The following GRIN3A variants were observed in gnomAD, a reference collection of about 807,000 sequenced individuals.
GRIN3A encodes glutamate ionotropic receptor NMDA type subunit 3A.
In GRIN3A, 47 loss-of-function variants were observed where a neutral mutation model predicts 92.4. That is an observed-to-expected ratio of 0.51 (90% CI 0.40 to 0.65). GRIN3A has a LOEUF of 0.65. Ranked by LOEUF, GRIN3A falls within the 30% of genes least tolerant of loss-of-function variation. The probability of loss-of-function intolerance (pLI) is 0.00; values close to 1 mark genes in which losing one functional copy is unlikely to be tolerated. For missense variants in GRIN3A, 1,324 were observed against 1,393.1 expected (o/e 0.95, Z 0.79); for synonymous variants, 527 against 540.6 (o/e 0.97, Z 0.35).
At chr9:101,705,262 G>T (rs1009806973) in intron 1 of GRIN3A, among the ~76,000 whole-genome samples, 5 of 152,046 alleles carry the variant, frequency 3.3e-5, no homozygotes, top group Non-Finnish European at 7.4e-5. Context: ...GAACAGAGCC[G>T]CAGAGAACAG....
intron 1 of GRIN3A, among the ~76,000 whole-genome samples, chr9:101,726,459 TCATG>T (rs948367003): frequency 1.3e-5 from 2 of 152,158 alleles, no homozygotes; most frequent in African/African-American, 4.8e-5. Context: ...CAGCTATACT[TCATG>T]CATTTCTATT....
intron 6 of GRIN3A, chr9:101,594,208 C>T (rs1370667070): frequency 5.0e-6 from 3 of 603,024 alleles, no homozygotes; most frequent in Non-Finnish European, 8.2e-6. Flanking sequence ...CTTGCTCTTC[C>T]CCCTATAGGG....
At chr9:101,652,647 T>C (rs189417191) in intron 3 of GRIN3A, among the ~76,000 whole-genome samples, 1 of 152,116 alleles carries the variant, frequency 6.6e-6, no homozygotes, top group Admixed American at 6.6e-5. Context: ...GTAGTTTTCA[T>C]GCTTTCTCCA....
chr9:101,663,164 A>G (rs1249057403), intron 3 of GRIN3A, among the ~76,000 whole-genome samples: 1 of 151,722 alleles, frequency 6.6e-6, no homozygotes, highest in Admixed American at 6.6e-5. Context: ...TAACATCCTC[A>G]TCAACTTCCC....
At chr9:101,730,683 C>T (rs1292262068) in intron 1 of GRIN3A, among the ~76,000 whole-genome samples, 1 of 151,970 alleles carries the variant, frequency 6.6e-6, no homozygotes, top group Non-Finnish European at 1.5e-5. Flanking sequence ...TCTGGCTCTC[C>T]TCACAAAGTA....
At chr9:101,587,913 C>T (rs1827968386) in intron 6 of GRIN3A, among the ~76,000 whole-genome samples, 1 of 152,080 alleles carries the variant, frequency 6.6e-6, no homozygotes, top group South Asian at 2.1e-4. Flanking sequence ...GACCTGGTAT[C>T]TATTTTATTT....
At chr9:101,684,977 C>A (rs1829512799) in intron 2 of GRIN3A, among the ~76,000 whole-genome samples, 1 of 151,944 alleles carries the variant, frequency 6.6e-6, no homozygotes. Flanking sequence ...TGCGAGCTTG[C>A]CAACAGTAGA....
intron 5 of GRIN3A, among the ~76,000 whole-genome samples, chr9:101,621,736 A>C (rs542617702): frequency 3.3e-4 from 50 of 152,308 alleles, no homozygotes; most frequent in African/African-American, 1.1e-3. Context: ...AAGCCATCCT[A>C]CCACTGTCTT....
intron 1 of GRIN3A, among the ~76,000 whole-genome samples, chr9:101,720,567 G>C (rs189107897): frequency 6.6e-6 from 1 of 152,238 alleles, no homozygotes; most frequent in East Asian, 1.9e-4. Flanking sequence ...GCTATACAAT[G>C]GGTCAAATAG....
At chr9:101,586,455 A>G (rs969225766) in intron 6 of GRIN3A, among the ~76,000 whole-genome samples, 1 of 152,146 alleles carries the variant, frequency 6.6e-6, no homozygotes, top group African/African-American at 2.4e-5. Context: ...CAGTCTCATT[A>G]TATCACAGAA....
intron 1 of GRIN3A, among the ~76,000 whole-genome samples, chr9:101,724,662 C>T (rs925335579): frequency 5.9e-5 from 9 of 152,218 alleles, no homozygotes; most frequent in African/African-American, 1.2e-4. Flanking sequence ...ACTGCCAGCA[C>T]GCTGTCACCT....
chr9:101,669,933 G>A, intron 3 of GRIN3A, 127 bp downstream of exon 3: 1 of 720,172 alleles, frequency 1.4e-6, no homozygotes. Context: ...TTTTGGACTA[G>A]TCTCTATACT....
At chr9:101,584,502 T>C (rs1827926281) in intron 6 of GRIN3A, among the ~76,000 whole-genome samples, 1 of 152,240 alleles carries the variant, frequency 6.6e-6, no homozygotes, top group East Asian at 1.9e-4. Flanking sequence ...AAATTCTTGG[T>C]AGATTGTCAC....
At chr9:101,580,006 A>C (rs1444617753) in intron 6 of GRIN3A, among the ~76,000 whole-genome samples, 1 of 152,156 alleles carries the variant, frequency 6.6e-6, no homozygotes. Context: ...TCAGAAGACC[A>C]AAATCTCCAC....
chr9:101,690,370 T>A (rs1390465483), intron 1 of GRIN3A, among the ~76,000 whole-genome samples: 1 of 152,202 alleles, frequency 6.6e-6, no homozygotes, highest in Non-Finnish European at 1.5e-5. Flanking sequence ...CTCTACTCCA[T>A]TAATTTTGCA....
chr9:101,580,409 A>G (rs1312373030), intron 6 of GRIN3A, among the ~76,000 whole-genome samples: 2 of 152,198 alleles, frequency 1.3e-5, no homozygotes, highest in African/African-American at 4.8e-5. Context: ...GGACCACCTT[A>G]TGGTCTCTTA....
At chr9:101,710,719 A>G (rs1198839304) in intron 1 of GRIN3A, among the ~76,000 whole-genome samples, 2 of 152,236 alleles carry the variant, frequency 1.3e-5, no homozygotes, top group African/African-American at 4.8e-5. Flanking sequence ...CAATTATGGT[A>G]ACATTATGTG....
intron 1 of GRIN3A, among the ~76,000 whole-genome samples, chr9:101,699,644 C>A (rs1829730246): frequency 1.3e-5 from 2 of 152,080 alleles, no homozygotes; most frequent in African/African-American, 4.8e-5. Flanking sequence ...CATGGATGAT[C>A]CTGAAGACTC....
intron 8 of GRIN3A, 94 bp from the exon 9 acceptor site, chr9:101,573,607 A>G (rs927591656): frequency 1.0e-6 from 1 of 981,914 alleles, no homozygotes; most frequent in Non-Finnish European, 1.6e-6. Flanking sequence ...AATAATATGG[A>G]GCTGGGTGTG....
Sources: gnomAD v4.1 joint callset for allele counts (sites outside exome capture counted in the v4.1 genomes callset) on GRCh38, gnomAD v4.1.1 for gene constraint, MANE v1.5 for transcripts, NCBI Gene and HGNC (gene_info 2026-07-23, HGNC 2026-07-21) for gene names.